The following RADX variants were observed in gnomAD, a reference collection of about 807,000 sequenced individuals.
RADX encodes RPA-related protein RADX.
RADX carries 36 observed loss-of-function variants against 61.6 expected under a neutral mutation model. The ratio of observed to expected loss-of-function variants is 0.58; its 90% CI spans 0.45 to 0.77. The LOEUF (loss-of-function observed/expected upper bound fraction) is 0.77. Among genes scored for constraint, RADX ranks in the 30% least tolerant of loss-of-function variants. The probability of loss-of-function intolerance (pLI) is 0.00; values close to 1 mark genes in which losing one functional copy is unlikely to be tolerated. For synonymous variants in RADX, 272 were observed against 237.9 expected (o/e 1.14, Z -1.32); for missense variants, 497 against 651.1 (o/e 0.76, Z 2.58).
intron 13 of RADX, among the ~76,000 whole-genome samples, chrX:106,676,753 G>A (rs184245342): frequency 2.6e-3 from 294 of 111,449 alleles, no homozygotes; most frequent in African/African-American, 9.2e-3. Context: ...GCACTCCTTC[G>A]ACACTTAGCC....
At chrX:106,620,856 T>C (rs182811463) in intron 1 of RADX, among the ~76,000 whole-genome samples, 86 of 112,343 alleles carry the variant, frequency 7.7e-4, no homozygotes, top group African/African-American at 2.5e-3. Flanking sequence ...AAATTCTTCA[T>C]TGTCTGTAAA....
At chrX:106,650,652 C>A (rs1927770695) in intron 11 of RADX, among the ~76,000 whole-genome samples, 1 of 111,264 alleles carries the variant, frequency 9.0e-6, no homozygotes, top group Non-Finnish European at 1.9e-5. Context: ...CCTGGCCTCA[C>A]GTGATCCTCC....
chrX:106,672,988 G>A (rs921228814), intron 13 of RADX, among the ~76,000 whole-genome samples: 4 of 111,288 alleles, frequency 3.6e-5, no homozygotes, highest in South Asian at 3.8e-4. Flanking sequence ...GTCAGCTTGC[G>A]GTGAATGCTG....
intron 11 of RADX, among the ~76,000 whole-genome samples, chrX:106,651,887 A>T (rs1283684327): frequency 9.0e-6 from 1 of 110,521 alleles, no homozygotes; most frequent in African/African-American, 3.3e-5. Flanking sequence ...AAGCATGATT[A>T]AGATAAAACA....
intron 10 of RADX, among the ~76,000 whole-genome samples, chrX:106,643,130 T>C (rs1291240282): frequency 1.8e-5 from 2 of 111,829 alleles, no homozygotes; most frequent in East Asian, 5.6e-4. Context: ...GTATACCTTC[T>C]TTTGAGAAAC....
rs2147621980 is a variant in RADX, at chrX:106,636,524, A to G, written c.1304-19A>G. The G allele has an allele frequency of 2.0e-6, 2 of 979,750 alleles. No individual in the cohort carries two copies. Among genetic ancestry groups the G allele is most frequent in the East Asian group, 6.1e-5 (2 of 32,578 alleles). The allele number at this position is 979,750 out of a possible 1,213,427, so 80.7% of individuals were successfully genotyped here. A position where few individuals can be genotyped will look rare whatever the true frequency, so the allele number is the denominator to read the frequency against. Reference sequence around the variant, plus strand: ...ATTTGAAATGGAAAAGTAATTTCATAAGTGTTTTTGTTCTCTAGTGGCATA... The same window carrying G: ...ATTTGAAATGGAAAAGTAATTTCATGAGTGTTTTTGTTCTCTAGTGGCATA... On this transcript the variant is annotated intron_variant, in intron 6 of 13. Transcript: ENST00000372548.
rs1030838930 is a variant in RADX at position 106,677,604 on chromosome X, C to A, written c.2438-524C>A. 2.7e-5 allele frequency among the ~76,000 whole-genome samples: 3 copies of A among 109,370 alleles called. No individual in the cohort carries two copies. In the South Asian group the frequency reaches 1.2e-3, roughly 43 times the overall value. The allele number at this position is 109,370 out of a possible 115,157, so 95.0% of individuals were successfully genotyped here. ...CAAAGATAAGTTTTAATTAATAAAG[C>A]CACTTTAAAGGAAATACACTTTAAA... On this transcript the variant is annotated intron_variant, in intron 13 of 13. Transcript: ENST00000372548.
At chrX:106,615,986 A>G (rs1341162127) in intron 1 of RADX, among the ~76,000 whole-genome samples, 1 of 111,298 alleles carries the variant, frequency 9.0e-6, no homozygotes, top group African/African-American at 3.3e-5. Context: ...AATGAGTTGG[A>G]AAGCTTGCCC....
chrX:106,621,992 G>A (rs1266388141), intron 1 of RADX, among the ~76,000 whole-genome samples: 1 of 100,895 alleles, frequency 9.9e-6, no homozygotes, highest in Non-Finnish European at 2.0e-5. Flanking sequence ...GTGTGATCAT[G>A]GTTCACTGCA....
chrX:106,617,369 T>G (rs1197724434), intron 1 of RADX, among the ~76,000 whole-genome samples: 4 of 111,119 alleles, frequency 3.6e-5, no homozygotes, highest in Non-Finnish European at 7.5e-5. Flanking sequence ...AAAAGCTTAT[T>G]TATTAGGTTT....
intron 3 of RADX, among the ~76,000 whole-genome samples, chrX:106,625,539 ATTTTG>A (rs1927056206): frequency 9.0e-6 from 1 of 111,298 alleles, no homozygotes; most frequent in South Asian, 3.7e-4. Context: ...GATTGTACTT[ATTTTG>A]TTTTATTTTA....
At chrX:106,631,725 G>GAAAGAA (rs1482738428) in intron 3 of RADX, among the ~76,000 whole-genome samples, 1 of 96,121 alleles carries the variant, frequency 1.0e-5, no homozygotes, top group African/African-American at 4.0e-5. Context: ...AAGAAAGAAG[G>GAAAGAA]AAAGAAAGAA....
At chrX:106,625,386 G>T (rs749496452) in intron 3 of RADX, 104 bp downstream of exon 3, 43 of 472,947 alleles carry the variant, frequency 9.1e-5, no homozygotes, top group Non-Finnish European at 1.4e-4. Flanking sequence ...GAAGCTGTTA[G>T]AACCTATGAA....
At chrX:106,665,839 C>T (rs1281604349) in intron 12 of RADX, among the ~76,000 whole-genome samples, 1 of 111,535 alleles carries the variant, frequency 9.0e-6, no homozygotes, top group Non-Finnish European at 1.9e-5. Flanking sequence ...TTATTGAAAA[C>T]ATTGAATAGA....
intron 3 of RADX, among the ~76,000 whole-genome samples, chrX:106,627,085 G>A (rs1383734966): frequency 8.9e-6 from 1 of 112,064 alleles, no homozygotes; most frequent in African/African-American, 3.2e-5. Context: ...AGTTTGCCTA[G>A]CCTACATGTG....
chrX:106,613,196 C>G (rs1207704222), intron 1 of RADX, among the ~76,000 whole-genome samples: 4 of 112,091 alleles, frequency 3.6e-5, no homozygotes, highest in Non-Finnish European at 7.5e-5. Flanking sequence ...AAAGGATGCT[C>G]CGTGATGTAT....
At chrX:106,634,473 A>T (rs940627249) in intron 6 of RADX, among the ~76,000 whole-genome samples, 1 of 111,549 alleles carries the variant, frequency 9.0e-6, no homozygotes, top group Non-Finnish European at 1.9e-5. Flanking sequence ...GCAATAAGAT[A>T]GACATTGTAG....
chrX:106,612,629 C>T lies in RADX; in HGVS notation c.549C>T (p.Gly183=), dbSNP rs1327084243. The change falls in exon 1 of 14, where the codon GGC becomes GGT. Residue 183 remains glycine, a synonymous_variant. Coordinates refer to ENST00000372548, the MANE Select transcript of RADX (RefSeq NM_018015.6). ...HQEKPERPLR[G]GKSHYLALWN... ...AGAAACCAGAGAGGCCTTTAAGAGG[C>T]GGGAAGAGTCATTACCTGGCGCTGT... 5 of 1,210,296 alleles carry T rather than the reference C, an allele frequency of 4.1e-6. No homozygotes were observed. Among genetic ancestry groups the T allele is most frequent in the East Asian group, 3.0e-5 (1 of 33,799 alleles).
At chrX:106,629,216 C>T (rs754179474) in intron 3 of RADX, among the ~76,000 whole-genome samples, 1 of 111,134 alleles carries the variant, frequency 9.0e-6, no homozygotes, top group East Asian at 2.8e-4. Context: ...TTCTTTAATT[C>T]GGAACCCTAG....
Sources: allele counts gnomAD v4.1 joint callset (sites outside exome capture counted in the v4.1 genomes callset), GRCh38; gene constraint gnomAD v4.1.1; transcripts MANE v1.5; gene names NCBI Gene and HGNC (gene_info 2026-07-23, HGNC 2026-07-21).